The following CDK13 variants were observed in gnomAD, a reference collection of about 807,000 sequenced individuals.
The protein encoded by CDK13 is cyclin dependent kinase 13.
In CDK13, 40 loss-of-function variants were observed where a neutral mutation model predicts 137.6. That is an observed-to-expected ratio of 0.29 (90% CI 0.23 to 0.38). The LOEUF (loss-of-function observed/expected upper bound fraction) is 0.38, where lower values mean the gene tolerates loss of function less well. Ranked by LOEUF, CDK13 falls within the 10% of genes least tolerant of loss-of-function variation. CDK13 has a pLI of 1.00. For synonymous variants in CDK13, 869 were observed against 760.1 expected (o/e 1.14, Z -2.36); for missense variants, 1,704 against 1,951.8 (o/e 0.87, Z 2.39).
intron 5 of CDK13, among the ~76,000 whole-genome samples, chr7:40,006,793 C>T (rs1784804049): frequency 6.6e-6 from 1 of 152,050 alleles, no homozygotes; most frequent in African/African-American, 2.4e-5. Flanking sequence ...AATTATCTTG[C>T]TAGAGAAGAT....
intron 5 of CDK13, among the ~76,000 whole-genome samples, chr7:40,043,825 C>T (rs1255867585): frequency 1.4e-5 from 2 of 145,214 alleles, no homozygotes; most frequent in Admixed American, 6.9e-5. Context: ...GAGTGAGACC[C>T]TGTCTCAAAA....
intron 7 of CDK13, among the ~76,000 whole-genome samples, chr7:40,058,996 A>G (rs1449214359): frequency 6.6e-6 from 1 of 152,166 alleles, no homozygotes; most frequent in African/African-American, 2.4e-5. Flanking sequence ...AGACTTTATC[A>G]TATGTTGTTG....
At chr7:40,089,437 C>CA (rs67433312) in intron 12 of CDK13, among the ~76,000 whole-genome samples, 6,963 of 123,730 alleles carry the variant, frequency 0.056, 553 homozygotes, top group African/African-American at 0.19. Context: ...GAGACTGTCT[C>CA]AAAAAAAAAA....
At chr7:39,961,883 G>A (rs1045019330) in intron 1 of CDK13, among the ~76,000 whole-genome samples, 7 of 152,010 alleles carry the variant, frequency 4.6e-5, no homozygotes, top group African/African-American at 1.2e-4. Context: ...GAGAACATGC[G>A]GTGTTTGGTT....
intron 5 of CDK13, among the ~76,000 whole-genome samples, chr7:40,005,540 G>A (rs902317552): frequency 2.6e-5 from 4 of 152,042 alleles, no homozygotes; most frequent in Admixed American, 6.5e-5. Flanking sequence ...CAAGTGATCT[G>A]CCTGCCTTGG....
intron 1 of CDK13, among the ~76,000 whole-genome samples, chr7:39,956,989 C>T (rs538590538): frequency 2.4e-4 from 37 of 152,170 alleles, no homozygotes; most frequent in Admixed American, 2.2e-3. Flanking sequence ...TATTTTTATA[C>T]TTGCTGTTCT....
rs1452574422 is a variant in CDK13, at chr7:40,096,485, C to A, written c.*1505C>A. On this transcript the variant is annotated 3_prime_UTR_variant, in exon 14 of 14. Transcript: ENST00000181839. ...CTAGAAAGGAACCAAAGGTAAATAA[C>A]CAGTGTTTCCATTATCACTAAATGG... 1 of 151,986 alleles carries A rather than the reference C, an allele frequency of 6.6e-6. No homozygotes were observed. Among genetic ancestry groups the A allele is most frequent in the Non-Finnish European group, 1.5e-5 (1 of 67,982 alleles). 9.4% of individuals were successfully genotyped at this position (151,986 alleles called of 1,614,324 possible).
At chr7:40,034,323 A>C (rs1465492005) in intron 5 of CDK13, among the ~76,000 whole-genome samples, 1 of 151,920 alleles carries the variant, frequency 6.6e-6, no homozygotes, top group Admixed American at 6.6e-5. Context: ...TTGCCCTGTG[A>C]CTCCAATTTC....
chr7:40,078,437 G>T, intron 10 of CDK13: 1 of 277,460 alleles, frequency 3.6e-6, no homozygotes, highest in South Asian at 1.2e-4. Flanking sequence ...ATACTGTTCA[G>T]TTCTTAATTT....
rs1347577976 is a variant in CDK13 at position 40,089,698 on chromosome 7, T to G, written c.3235+1367T>G. 7.8e-5 allele frequency among the ~76,000 whole-genome samples: 11 copies of G among 140,584 alleles called. 1 individual carries two copies. The highest frequency in any genetic ancestry group is 4.3e-4 in the Admixed American group (6 of 13,986). 92.2% of individuals were successfully genotyped at this position (140,584 alleles called of 152,430 possible). A position where few individuals can be genotyped will look rare whatever the true frequency, so the allele number is the denominator to read the frequency against. ...TATGAAAACAGAGACTGATATAAAA[T>G]AGAGAGAGAGAGAGAGAGAGAGAGA... On this transcript the variant is annotated intron_variant, in intron 12 of 13. Transcript: ENST00000181839.
intron 9 of CDK13, chr7:40,070,214 T>A (rs1333169184): frequency 6.6e-6 from 1 of 151,820 alleles, no homozygotes; most frequent in East Asian, 1.9e-4. Flanking sequence ...CACTCCAGCC[T>A]GGGCAAGAGA....
intron 1 of CDK13, among the ~76,000 whole-genome samples, chr7:39,981,096 G>T (rs989123119): frequency 3.9e-5 from 6 of 152,172 alleles, no homozygotes; most frequent in African/African-American, 1.4e-4. Context: ...GAAAAATCTT[G>T]GCTGGGTGCA....
intron 11 of CDK13, among the ~76,000 whole-genome samples, chr7:40,082,790 CA>C (rs76440638): frequency 0.035 from 2,167 of 61,114 alleles, 44 homozygotes; most frequent in African/African-American, 0.09. Flanking sequence ...GACTCTGCCT[CA>C]AAAAAAAAAA....
chr7:40,000,775 T>C (rs1174551370), intron 4 of CDK13, among the ~76,000 whole-genome samples: 1 of 152,246 alleles, frequency 6.6e-6, no homozygotes, highest in East Asian at 1.9e-4. Context: ...ATAAGTTTAA[T>C]GATTAAAAGA....
At chr7:39,996,511 A>G (rs1784562977) in intron 2 of CDK13, among the ~76,000 whole-genome samples, 2 of 152,362 alleles carry the variant, frequency 1.3e-5, no homozygotes, top group Admixed American at 6.5e-5. Context: ...CTGTAATTCT[A>G]GAAAGCTGGA....
intron 1 of CDK13, among the ~76,000 whole-genome samples, chr7:39,969,005 TTTTGTTTG>T (rs371764730): frequency 7.2e-5 from 11 of 152,050 alleles, no homozygotes; most frequent in Non-Finnish European, 1.5e-4. Context: ...AGGTGGGTTT[TTTTGTTTG>T]TTTGTTTGTT....
rs918543650 is a variant in CDK13 at position 39,950,989 on chromosome 7, G to A, written c.348G>A (p.Glu116=). ...RRGPRAGQEA[E]KRRVFSLPQP... is the part of the protein sequence containing the mutation. ...GGCCCCGCGCCGGGCAGGAGGCGGA[G>A]AAGCGTCGGGTCTTCTCGCTGCCCC... Residue 116 remains glutamate, a synonymous_variant, in exon 1 of 14, where the codon GAG becomes GAA. Transcript: ENST00000181839. 3 of 1,312,890 alleles carry A rather than the reference G, an allele frequency of 2.3e-6. No homozygotes were observed. The highest frequency in any genetic ancestry group is 4.2e-5 in the Admixed American group (1 of 23,962). 81.3% of individuals were successfully genotyped at this position (1,312,890 alleles called of 1,614,324 possible).
chr7:39,982,155 T>C (rs1166078183), intron 1 of CDK13, among the ~76,000 whole-genome samples: 1 of 146,968 alleles, frequency 6.8e-6, no homozygotes, highest in East Asian at 2.0e-4. Flanking sequence ...CCTAATGCTA[T>C]CCCTCCCCCC....
intron 5 of CDK13, among the ~76,000 whole-genome samples, chr7:40,045,586 ATT>A (rs377479233): frequency 1.4e-5 from 2 of 145,318 alleles, no homozygotes. Flanking sequence ...CAGCAGGGTG[ATT>A]TTTTTTTTTT....
Sources: allele counts gnomAD v4.1 joint callset (sites outside exome capture counted in the v4.1 genomes callset), GRCh38; gene constraint gnomAD v4.1.1; transcripts MANE v1.5; gene names NCBI Gene and HGNC (gene_info 2026-07-23, HGNC 2026-07-21).